Variants in DNAH9 observed in about 807,000 individuals in gnomAD.
DNAH9 encodes the protein dynein axonemal heavy chain 9.
A neutral mutation model predicts 471.6 loss-of-function variants in DNAH9; 345 were observed. The observed-to-expected ratio is 0.73, with a 90% confidence interval of 0.67 to 0.80. DNAH9 has a LOEUF of 0.80. Among genes scored for constraint, DNAH9 ranks in the 30% least tolerant of loss-of-function variants. The pLI is 0.00. For synonymous variants in DNAH9, 2,093 were observed against 2,123.6 expected, an observed-to-expected ratio of 0.99 and a Z score of 0.40; for missense variants, 5,407 against 5,609.2, an observed-to-expected ratio of 0.96 and a Z score of 1.15.
chr17:11,734,805 C>A (rs1219548611), intron 28 of DNAH9, among the ~76,000 whole-genome samples: 1 of 152,238 alleles, frequency 6.6e-6, no homozygotes, highest in Non-Finnish European at 1.5e-5. Context: ...AGCACCGATG[C>A]TCCGAAGTTA....
At chr17:11,657,320 A>G (rs1291710077) in intron 14 of DNAH9, among the ~76,000 whole-genome samples, 1 of 152,082 alleles carries the variant, frequency 6.6e-6, no homozygotes, top group Non-Finnish European at 1.5e-5. Flanking sequence ...CTGAAGATTT[A>G]TACTTTTGAA....
At chr17:11,666,862 A>T (rs1301517818) in intron 15 of DNAH9, among the ~76,000 whole-genome samples, 1 of 152,182 alleles carries the variant, frequency 6.6e-6, no homozygotes, top group Non-Finnish European at 1.5e-5. Context: ...TGACCTTTGG[A>T]GTCTAGAGCA....
At chr17:11,686,017 G>A (rs1332630721) in intron 19 of DNAH9, among the ~76,000 whole-genome samples, 1 of 151,946 alleles carries the variant, frequency 6.6e-6, no homozygotes, top group Non-Finnish European at 1.5e-5. Flanking sequence ...TGTTAGCCAG[G>A]ATGGTCTCGA....
At chr17:11,842,094 A>C (rs1231148255) in intron 49 of DNAH9, among the ~76,000 whole-genome samples, 1 of 152,158 alleles carries the variant, frequency 6.6e-6, no homozygotes, top group Non-Finnish European at 1.5e-5. Flanking sequence ...ATTAACAAGT[A>C]ATAAAAAAAG....
intron 1 of DNAH9, among the ~76,000 whole-genome samples, chr17:11,607,873 A>C (rs773664577): frequency 5.3e-5 from 8 of 152,086 alleles, no homozygotes; most frequent in Non-Finnish European, 1.0e-4. Context: ...CTTAGCCGAT[A>C]AAGAATTTTT....
intron 49 of DNAH9, among the ~76,000 whole-genome samples, chr17:11,839,076 T>A (rs187077533): frequency 1.3e-5 from 2 of 152,300 alleles, no homozygotes; most frequent in African/African-American, 4.8e-5. Context: ...CTGCCTTCAT[T>A]TAGGAATGGT....
At chr17:11,665,412 G>A (rs534655863) in intron 15 of DNAH9, among the ~76,000 whole-genome samples, 45 of 152,190 alleles carry the variant, frequency 3.0e-4, no homozygotes, top group South Asian at 8.3e-4. Flanking sequence ...GATTGTGTCC[G>A]CCAGGTTAAA....
Position 11,623,160 on chromosome 17 carries a change from G to A in DNAH9, c.1350+3379G>A, listed in dbSNP as rs1567671824. ...GGTTAATTTTTGTATTTTTAGTAGAGACAGGGTCTTTCTGTGTTGGTCAGG... is the reference window on the plus strand; with the variant it reads ...GGTTAATTTTTGTATTTTTAGTAGAAACAGGGTCTTTCTGTGTTGGTCAGG... On this transcript the variant is annotated intron_variant, in intron 6 of 68. Coordinates refer to ENST00000262442, the MANE Select transcript of DNAH9 (RefSeq NM_001372.4). The surrounding 1 kb of genome is among the most constrained non-coding windows in gnomAD (Gnocchi z 4.1). Among the ~76,000 whole-genome samples the A allele has an allele frequency of 6.6e-6, 1 of 151,860 alleles. No individual in the cohort carries two copies. Among genetic ancestry groups the A allele is most frequent in the Admixed American group, 6.6e-5 (1 of 15,256 alleles).
chr17:11,812,010 AAAAAAAAAAAAAAAAAATATAT>A (rs1567819050), intron 45 of DNAH9, among the ~76,000 whole-genome samples: 5 of 53,972 alleles, frequency 9.3e-5, no homozygotes, highest in South Asian at 6.5e-4. Flanking sequence ...AAAAAAAAAA[AAAAAAAAAAAAAAAAAATATAT>A]ATATATATAT....
At chr17:11,810,597 GC>G (rs1969858465) in intron 45 of DNAH9, among the ~76,000 whole-genome samples, 1 of 152,180 alleles carries the variant, frequency 6.6e-6, no homozygotes, top group Non-Finnish European at 1.5e-5. Flanking sequence ...TAATCGTGGA[GC>G]TCTCTTAGTG....
rs144094387 is a variant in DNAH9, at chr17:11,790,536, C to T, written c.8062-2967C>T. Among the ~76,000 whole-genome samples, 856 of 151,954 alleles carry T rather than the reference C, an allele frequency of 5.6e-3. 6 individuals carry two copies. The highest frequency in any genetic ancestry group is 0.019 in the African/African-American group (778 of 41,490). On this transcript the variant is annotated intron_variant, in intron 41 of 68. Transcript: ENST00000262442. ...TTTATGACATGTTTTCATTTTCTTGCACTCAGCTTTTCCATATTCTTATAT... is the reference window on the plus strand; with the variant it reads ...TTTATGACATGTTTTCATTTTCTTGTACTCAGCTTTTCCATATTCTTATAT...
chr17:11,698,229 TAGC>T (rs372659330), intron 22 of DNAH9, among the ~76,000 whole-genome samples: 7 of 62,000 alleles, frequency 1.1e-4, no homozygotes, highest in South Asian at 5.6e-4. Context: ...ATTAATATAA[TAGC>T]AATATATTAT....
Position 11,937,266 on chromosome 17 carries a change from T to C in DNAH9, c.12490-86T>C. 1.3e-6 allele frequency: 2 copies of C among 1,494,104 alleles called. No homozygotes were observed. Among genetic ancestry groups the C allele is most frequent in the South Asian group, 2.7e-5 (2 of 74,848 alleles). The allele number at this position is 1,494,104 out of a possible 1,614,324, so 92.6% of individuals were successfully genotyped here. On this transcript the variant is annotated intron_variant, in intron 65 of 68. Coordinates refer to ENST00000262442, the MANE Select transcript of DNAH9 (RefSeq NM_001372.4). This position sits in a 1 kb window ranked among gnomAD's most constrained non-coding sequence, Gnocchi z 4.1. The stretch of plus-strand genomic sequence containing the variant: ...CCCCTGGAGGAGGGATACTAGCCCA[T>C]GGACTCCCTGCAGAGGACAAGCCGG...
chr17:11,795,633 C>T (rs1046493798), intron 42 of DNAH9, among the ~76,000 whole-genome samples: 2 of 152,210 alleles, frequency 1.3e-5, no homozygotes, highest in Admixed American at 6.5e-5. Flanking sequence ...ATGTTTGAGA[C>T]CCTCATGTTA....
intron 38 of DNAH9, among the ~76,000 whole-genome samples, chr17:11,772,633 G>A (rs112355532): frequency 5.9e-5 from 9 of 152,244 alleles, no homozygotes; most frequent in African/African-American, 1.7e-4. Flanking sequence ...AAATAGGGCC[G>A]AGATGAAAAC....
chr17:11,645,002 A>G (rs1248960343), intron 11 of DNAH9, among the ~76,000 whole-genome samples: 1 of 152,234 alleles, frequency 6.6e-6, no homozygotes, highest in Non-Finnish European at 1.5e-5. Flanking sequence ...AAATTGCAAC[A>G]GCTGCTTACT....
intron 19 of DNAH9, among the ~76,000 whole-genome samples, chr17:11,688,870 G>A (rs1319471866): frequency 6.6e-6 from 1 of 152,048 alleles, no homozygotes. Context: ...GGCCAAGGCG[G>A]GTGGATCACG....
chr17:11,773,537 G>T lies in DNAH9; in HGVS notation c.7552+4208G>T, dbSNP rs59778468. On this transcript the variant is annotated intron_variant, in intron 38 of 68. Coordinates refer to ENST00000262442, the MANE Select transcript of DNAH9 (RefSeq NM_001372.4). ...TATATAAAAATTTACTCACTTATAT[G>T]ATTTTTTAAAATATATATAATATAT... Among the ~76,000 whole-genome samples the T allele has an allele frequency of 3.6e-3, 552 of 151,824 alleles. 2 individuals are homozygous for T. Among genetic ancestry groups the T allele is most frequent in the African/African-American group, 0.013 (528 of 41,448 alleles).
At chr17:11,728,728 C>A (rs750284386) in intron 28 of DNAH9, among the ~76,000 whole-genome samples, 1 of 152,092 alleles carries the variant, frequency 6.6e-6, no homozygotes, top group African/African-American at 2.4e-5. Flanking sequence ...TTTGAATAAG[C>A]TTTTGTTGAA....
Sources: gnomAD v4.1 joint callset for allele counts (sites outside exome capture counted in the v4.1 genomes callset) on GRCh38, gnomAD v4.1.1 for gene constraint, Gnocchi (gnomAD v3.1) non-coding constraint, MANE v1.5 for transcripts, NCBI Gene and HGNC (gene_info 2026-07-23, HGNC 2026-07-21) for gene names.